The following ZNF320 variants were observed in gnomAD, a reference collection of about 807,000 sequenced individuals.
ZNF320 encodes the protein zinc finger gene 320.
In ZNF320, 2 loss-of-function variants were observed where a neutral mutation model predicts 6.8. The observed-to-expected ratio is 0.29, with a 90% CI of 0.12 to 0.93. ZNF320 has a LOEUF of 0.93. Among genes scored for constraint, ZNF320 ranks in the 40% least tolerant of loss-of-function variants. The pLI, the probability that ZNF320 is intolerant of heterozygous loss-of-function variation, is 0.55. For synonymous variants in ZNF320, 208 were observed against 203.2 expected (o/e 1.02, Z -0.20); for missense variants, 472 against 611.0 (o/e 0.77, Z 2.40).
exon 6 of ZNF320, among the ~76,000 whole-genome samples, chr19:52,861,315 G>A (rs538148877): frequency 2.2e-4 from 33 of 152,260 alleles, no homozygotes; most frequent in African/African-American, 7.5e-4. Flanking sequence ...GAGGTGAGAC[G>A]TTTGTACCTT....
At position 52,881,662 on chromosome 19, in the gene ZNF320, T is replaced by A. The variant is rs752685987; in HGVS notation, c.464A>T (p.His155Leu). 1 of 1,614,038 alleles carries A rather than the reference T, an allele frequency of 6.2e-7. No homozygotes were observed. Among genetic ancestry groups the A allele is most frequent in the Non-Finnish European group, 8.5e-7 (1 of 1,179,916 alleles). ...ACATTTGTAAGGTTTCTCTCCAGTATGAATTCTCCTATGTCTTCGCAAATG... is the reference window on the plus strand; with the variant it reads ...ACATTTGTAAGGTTTCTCTCCAGTAAGAATTCTCCTATGTCTTCGCAAATG... ...HLHLRRHRRIHTGEKPYKCEE... is the reference protein window; with the variant it reads ...HLHLRRHRRILTGEKPYKCEE... Residue 155 changes from histidine to leucine, a missense_variant, in exon 6 of 6, where the codon CAT becomes CTT. Around this residue, in one of 2 missense-constraint regions of ZNF320, gnomAD observed 462 missense variants for 559.7 expected, o/e 0.83. Transcript: ENST00000682928.
At chr19:52,885,723 AT>A (rs757753194) in intron 5 of ZNF320, among the ~76,000 whole-genome samples, 62 of 150,720 alleles carry the variant, frequency 4.1e-4, no homozygotes, top group East Asian at 2.3e-3. Context: ...TCTCAAAAAA[AT>A]AAATAAATAA....
intron 2 of ZNF320, among the ~76,000 whole-genome samples, chr19:52,891,597 T>C (rs981169859): frequency 6.6e-6 from 1 of 151,860 alleles, no homozygotes; most frequent in South Asian, 2.1e-4. Context: ...GATAAGCAAA[T>C]GTGACTGGGG....
At chr19:52,882,370 T>C (rs954677516) in intron 5 of ZNF320, among the ~76,000 whole-genome samples, 9 of 152,142 alleles carry the variant, frequency 5.9e-5, no homozygotes, top group African/African-American at 1.9e-4. Context: ...CAGAAATAAA[T>C]GTTAAAAAAC....
At chr19:52,899,933 T>C (rs1217476488), upstream of ZNF320, among the ~76,000 whole-genome samples, 2 of 152,238 alleles carry the variant, frequency 1.3e-5, no homozygotes, top group Non-Finnish European at 2.9e-5. Flanking sequence ...AGGCTTACAG[T>C]ATTATATAAT....
At chr19:52,893,258 C>G (rs2064367288) in intron 2 of ZNF320, 1 of 151,938 alleles carries the variant, frequency 6.6e-6, no homozygotes, top group African/African-American at 2.4e-5. Flanking sequence ...AGGCACCTCC[C>G]CAATGCGGGC....
chr19:52,897,444 A>G (rs1162505860), intron 1 of ZNF320, 76 bp downstream of exon 1: 1 of 152,032 alleles, frequency 6.6e-6, no homozygotes, highest in Non-Finnish European at 1.5e-5. Context: ...TGTCTGCACG[A>G]CCCCACTGCA....
chr19:52,862,735 T>C (rs2063492916), exon 6 of ZNF320: 1 of 413,456 alleles, frequency 2.4e-6, no homozygotes, highest in Non-Finnish European at 4.8e-6. Flanking sequence ...CAAAAACCTT[T>C]TCACAAACCT....
exon 6 of ZNF320, among the ~76,000 whole-genome samples, chr19:52,863,303 C>T (rs1327079791): frequency 6.6e-6 from 1 of 152,028 alleles, no homozygotes; most frequent in Non-Finnish European, 1.5e-5. Flanking sequence ...GACAGTAGAA[C>T]TAAAATATGG....
intron 2 of ZNF320, among the ~76,000 whole-genome samples, chr19:52,892,445 G>A (rs1386959926): frequency 2.0e-5 from 3 of 150,980 alleles, no homozygotes; most frequent in African/African-American, 7.3e-5. Context: ...ATAAGCAAAT[G>A]TTTTCAATCA....
rs28489042 is a variant in ZNF320, at chr19:52,884,825, C to T, written c.143-2842G>A. 4.7e-3 allele frequency among the ~76,000 whole-genome samples: 718 copies of T among 152,292 alleles called. 7 individuals are homozygous for T. Among genetic ancestry groups the T allele is most frequent in the African/African-American group, 0.016 (678 of 41,558 alleles). ...ATCTCATCATCAACATCACCACAGGCTGACAAATCTTATTAAACAAAGGAT... is the reference window on the plus strand; with the variant it reads ...ATCTCATCATCAACATCACCACAGGTTGACAAATCTTATTAAACAAAGGAT... On this transcript the variant is annotated intron_variant, in intron 5 of 5. Transcript: ENST00000682928.
Position 52,876,430 on chromosome 19 carries a change from C to T in ZNF320, c.*4166G>A, listed in dbSNP as rs747874540. ...AAAGAAGAACATTTTGAACACATAC[C>T]GTAGTTGCAAAACAATGATGTTACC... On this transcript the variant is annotated 3_prime_UTR_variant, in exon 6 of 6. Coordinates refer to ENST00000682928, the MANE Select transcript of ZNF320 (RefSeq NM_001351774.2). 1.3e-5 allele frequency: 2 copies of T among 151,004 alleles called. No homozygotes were observed. Among genetic ancestry groups the T allele is most frequent in the Middle Eastern group, 3.4e-3 (1 of 292 alleles). The allele number at this position is 151,004 out of a possible 1,614,324, so 9.4% of individuals were successfully genotyped here. A position where few individuals can be genotyped will look rare whatever the true frequency, so the allele number is the denominator to read the frequency against.
At chr19:52,865,670 TTA>T (rs1172175623) in intron 5 of ZNF320, among the ~76,000 whole-genome samples, 9 of 118,762 alleles carry the variant, frequency 7.6e-5, no homozygotes, top group South Asian at 2.3e-4. Context: ...TACATATATA[TTA>T]TATGATTATA....
At position 52,878,285 on chromosome 19, in the gene ZNF320, T is replaced by C. The variant is rs2063819024; in HGVS notation, c.*2311A>G. 1 of 145,674 alleles carries C rather than the reference T, an allele frequency of 6.9e-6. No individual in the cohort carries two copies. The highest frequency in any genetic ancestry group is 2.6e-5 in the African/African-American group (1 of 38,198). The allele number at this position is 145,674 out of a possible 1,614,324, so 9.0% of individuals were successfully genotyped here. ...TTTTTTTTGAGATGGAGTCTCGCTC[T>C]GTCACCCAGGCTGGAGTGCAGTAGC... On this transcript the variant is annotated 3_prime_UTR_variant, in exon 6 of 6. Transcript: ENST00000682928.
At position 52,881,904 on chromosome 19, in the gene ZNF320, C is replaced by T. The variant is rs140549030; in HGVS notation, c.222G>A (p.Leu74=). 1,839 of 1,613,356 alleles carry T rather than the reference C, an allele frequency of 1.1e-3. 18 individuals are homozygous for T. The African/African-American group carries it at 0.022, about 19-fold the overall frequency. Residue 74 remains leucine, a synonymous_variant, in exon 6 of 6, where the codon TTG becomes TTA. Coordinates refer to ENST00000682928, the MANE Select transcript of ZNF320 (RefSeq NM_001351774.2). ...CAATGTGATAACTTGCTTGTCTCTG[C>T]AATGTCCCTGTGTGGATCACTTCTG... ...GNTEVIHTGT[L]QRQASYHIGA...
chr19:52,897,663 C>T (rs1455126333), upstream of ZNF320: 1 of 152,524 alleles, frequency 6.6e-6, no homozygotes, highest in Non-Finnish European at 1.5e-5. Flanking sequence ...GTGGTGTGAC[C>T]TTCAGTCCCT....
At chr19:52,903,427 G>C in the ZNF320 span, among the ~76,000 whole-genome samples, 4 of 151,916 alleles carry the variant, frequency 2.6e-5, no homozygotes, top group African/African-American at 9.7e-5. Flanking sequence ...TGTGGGGGGC[G>C]GGGGGAGGAG....
At chr19:52,899,161 G>A (rs2064553544), upstream of ZNF320, among the ~76,000 whole-genome samples, 4 of 152,296 alleles carry the variant, frequency 2.6e-5, no homozygotes, top group South Asian at 8.3e-4. Context: ...ATCATTTGAA[G>A]AGGTACAGGT....
chr19:52,901,302 C>A (rs1335022040), upstream of ZNF320, among the ~76,000 whole-genome samples: 2 of 152,170 alleles, frequency 1.3e-5, no homozygotes, highest in Non-Finnish European at 2.9e-5. Context: ...GGAAACAGTT[C>A]TTTGTCTGAG....
Sources: allele counts gnomAD v4.1 joint callset (sites outside exome capture counted in the v4.1 genomes callset), GRCh38; gene constraint gnomAD v4.1.1; regional missense constraint gnomAD v4.1.1; transcripts MANE v1.5; gene names NCBI Gene and HGNC (gene_info 2026-07-23, HGNC 2026-07-21).